SKP2: variants seen among roughly 807,000 people sequenced by gnomAD.
SKP2 encodes S-phase kinase associated protein 2, also known as S-phase kinase-associated protein 2.
SKP2 carries 16 observed loss-of-function variants against 51.8 expected under a neutral mutation model. That is an observed-to-expected ratio of 0.31 (90% CI 0.21 to 0.47). The LOEUF (loss-of-function observed/expected upper bound fraction) is 0.47, where lower values mean the gene tolerates loss of function less well. Among genes scored for constraint, SKP2 ranks in the 20% least tolerant of loss-of-function variants. The probability of loss-of-function intolerance (pLI) is 1.00; values close to 1 mark genes in which losing one functional copy is unlikely to be tolerated. For missense variants in SKP2, 377 were observed against 505.3 expected (o/e 0.75, Z 2.43); for synonymous variants, 176 against 198.6 (o/e 0.89, Z 0.96).
chr5:36,189,864 C>T (rs1472644099), intron 6 of SKP2, among the ~76,000 whole-genome samples: 2 of 152,182 alleles, frequency 1.3e-5, no homozygotes, highest in Non-Finnish European at 2.9e-5. Flanking sequence ...GCAGTGGGCT[C>T]CACCCAGTTC....
intron 2 of SKP2, among the ~76,000 whole-genome samples, chr5:36,159,517 A>T (rs1202226738): frequency 6.6e-6 from 1 of 152,236 alleles, no homozygotes; most frequent in Non-Finnish European, 1.5e-5. Context: ...GCCTACGTGT[A>T]GATGAGATTC....
chr5:36,178,245 A>G (rs1745696672), intron 9 of SKP2, among the ~76,000 whole-genome samples: 1 of 152,154 alleles, frequency 6.6e-6, no homozygotes. Flanking sequence ...CATGAACTAA[A>G]AGTTAATTTA....
intron 6 of SKP2, among the ~76,000 whole-genome samples, chr5:36,190,584 A>T (rs77904310): frequency 6.7e-6 from 1 of 149,688 alleles, no homozygotes; most frequent in African/African-American, 2.5e-5. Context: ...GGACCCTTCC[A>T]TTCGAATGGT....
In SKP2 at chr5:36,183,989, A is replaced by G. The variant is rs1488245569; in HGVS notation, c.*1958A>G. The stretch of plus-strand genomic sequence containing the variant: ...ATTTTTGTATGTGATTTCTACTTTT[A>G]TAGACTTGTTTTAAAACAATAAAAC... On this transcript the variant is annotated 3_prime_UTR_variant, in exon 10 of 10. Coordinates refer to ENST00000274255, the MANE Select transcript of SKP2 (RefSeq NM_005983.4). 2 of 1,590,916 alleles carry G rather than the reference A, an allele frequency of 1.3e-6. No homozygotes were observed. Among genetic ancestry groups the G allele is most frequent in the Admixed American group, 3.4e-5 (2 of 58,596 alleles).
intron 5 of SKP2, among the ~76,000 whole-genome samples, chr5:36,169,917 A>T (rs1014064749): frequency 4.6e-5 from 7 of 152,170 alleles, no homozygotes; most frequent in Non-Finnish European, 1.0e-4. Flanking sequence ...GCATTTGGGG[A>T]TGTATTAGAG....
At chr5:36,175,971 A>G (rs1235032037) in intron 7 of SKP2, among the ~76,000 whole-genome samples, 1 of 151,988 alleles carries the variant, frequency 6.6e-6, no homozygotes, top group Non-Finnish European at 1.5e-5. Context: ...AAATCAGTTC[A>G]CTATCCAAAA....
At position 36,152,144 on chromosome 5, in the gene SKP2, C is replaced by G; in HGVS notation, c.-119C>G. ...TGGAACGTTGCTAGGCTTAGCGGGT[C>G]TGGCTGCTGGGGGCCCGAGCAGCAC... On this transcript the variant is annotated 5_prime_UTR_variant, in exon 1 of 10. Transcript: ENST00000274255. 1 of 1,028,454 alleles carries G rather than the reference C, an allele frequency of 9.7e-7. No homozygotes were observed. Among genetic ancestry groups the G allele is most frequent in the South Asian group, 1.3e-5 (1 of 77,576 alleles). The allele number at this position is 1,028,454 out of a possible 1,614,324, so 63.7% of individuals were successfully genotyped here.
At chr5:36,177,044 C>A in intron 8 of SKP2, 28 bp downstream of exon 8, 1 of 1,518,876 alleles carries the variant, frequency 6.6e-7, no homozygotes, top group South Asian at 1.2e-5. Flanking sequence ...TATTTTAGAT[C>A]AAAAGTTGAA....
intron 2 of SKP2, among the ~76,000 whole-genome samples, chr5:36,157,004 G>C (rs1365853094): frequency 6.6e-6 from 1 of 151,870 alleles, no homozygotes; most frequent in Non-Finnish European, 1.5e-5. Flanking sequence ...TTACAAAACT[G>C]TATTTCCCCT....
At chr5:36,172,823 C>T (rs569628878) in intron 7 of SKP2, among the ~76,000 whole-genome samples, 16 of 152,288 alleles carry the variant, frequency 1.1e-4, no homozygotes, top group African/African-American at 3.6e-4. Flanking sequence ...ATTCCAAACA[C>T]TTGCATTTTC....
chr5:36,188,080 C>T (rs576820036), downstream of SKP2, among the ~76,000 whole-genome samples: 3 of 152,222 alleles, frequency 2.0e-5, no homozygotes, highest in South Asian at 6.2e-4. Flanking sequence ...TTTCCATTTG[C>T]TTGGTAGTTC....
intron 2 of SKP2, among the ~76,000 whole-genome samples, chr5:36,157,185 G>A (rs1204350433): frequency 1.3e-5 from 2 of 152,096 alleles, no homozygotes; most frequent in African/African-American, 4.8e-5. Flanking sequence ...TTGTTCCATA[G>A]CTTCCTTTCA....
intron 9 of SKP2, among the ~76,000 whole-genome samples, chr5:36,181,082 C>T (rs988886907): frequency 2.6e-5 from 4 of 152,108 alleles, no homozygotes. Context: ...AACAGAATTT[C>T]ACTGTTAACA....
chr5:36,189,140 A>G (rs1245922023), downstream of SKP2, among the ~76,000 whole-genome samples: 1 of 151,922 alleles, frequency 6.6e-6, no homozygotes, highest in African/African-American at 2.4e-5. Context: ...TCTTTTTTCA[A>G]AGTTTTTAGC....
chr5:36,158,594 C>CT lies in SKP2; in HGVS notation c.281-5050dup, dbSNP rs530440692. ...TGATAGCATCTTTGTTTTATTTTCT[C>CT]TCTCCTCCTCCACTCACTCCCTAGC... On this transcript the variant is annotated intron_variant, in intron 2 of 9. Transcript: ENST00000274255. 5.4e-4 allele frequency among the ~76,000 whole-genome samples: 83 copies of CT among 152,304 alleles called. 1 individual carries two copies. Among genetic ancestry groups the CT allele is most frequent in the Middle Eastern group, 3.4e-3 (1 of 294 alleles).
At chr5:36,154,869 G>T (rs1744892671) in intron 2 of SKP2, among the ~76,000 whole-genome samples, 1 of 152,156 alleles carries the variant, frequency 6.6e-6, no homozygotes, top group Admixed American at 6.5e-5. Context: ...GGGGGTGAGG[G>T]TGGTCAGATT....
rs754214262 is a variant in SKP2 at position 36,181,905 on chromosome 5, T to C, written c.1149T>C (p.Leu383=). 7 of 1,614,004 alleles carry C rather than the reference T, an allele frequency of 4.3e-6. No homozygotes were observed. The Admixed American group carries it at 1.0e-4, about 23-fold the overall frequency. Residue 383 remains leucine (L), a synonymous_variant, in exon 10 of 10, where the codon CTT becomes CTC. Coordinates refer to ENST00000274255, the MANE Select transcript of SKP2 (RefSeq NM_005983.4). ...DGTLQLLKEA[L]PHLQINCSHF... Reference sequence around the variant, plus strand: ...CCCTTCAACTGTTAAAGGAAGCCCTTCCTCATCTACAGATTAATTGCTCCC... The same window carrying C: ...CCCTTCAACTGTTAAAGGAAGCCCTCCCTCATCTACAGATTAATTGCTCCC...
rs2111975903 is a variant in SKP2, at chr5:36,166,501, G to A, written c.393-18G>A. ...TAGTGTGACCGACTGGCCAAATTAA[G>A]TATCTCCTCTTTTATAGGTCTGATG... On this transcript the variant is annotated intron_variant, in intron 3 of 9. Transcript: ENST00000274255. The A allele has an allele frequency of 6.2e-7, 1 of 1,613,194 alleles. No individual in the cohort carries two copies. The highest frequency in any genetic ancestry group is 1.7e-5 in the Admixed American group (1 of 59,982).
At position 36,156,347 on chromosome 5, in the gene SKP2, G is replaced by A. The variant is rs182307517; in HGVS notation, c.280+3305G>A. ...TGGCTACTAGCTTTGCCAGGATTAG[G>A]GTAGAACAGGCCACACCTGCTGTAC... On this transcript the variant is annotated intron_variant, in intron 2 of 9. Transcript: ENST00000274255. 3.9e-5 allele frequency among the ~76,000 whole-genome samples: 6 copies of A among 152,276 alleles called. No homozygotes were observed. In the East Asian group the frequency reaches 1.2e-3, roughly 29 times the overall value.
Sources: gnomAD v4.1 joint callset for allele counts (sites outside exome capture counted in the v4.1 genomes callset) on GRCh38, gnomAD v4.1.1 for gene constraint, MANE v1.5 for transcripts, NCBI Gene and HGNC (gene_info 2026-07-23, HGNC 2026-07-21) for gene names.